ERMP1: variants seen among roughly 807,000 people sequenced by gnomAD.
The protein encoded by ERMP1 is endoplasmic reticulum metallopeptidase 1.
Under a neutral mutation model 92.0 loss-of-function variants are expected in ERMP1, and 86 were observed. That is an observed-to-expected ratio of 0.93 (90% CI 0.79 to 1.12). The LOEUF (loss-of-function observed/expected upper bound fraction) is 1.12. ERMP1 is among the 50% of genes most tolerant of loss of function. ERMP1 has a pLI of 0.00. For missense variants in ERMP1, 1,342 were observed against 1,116.3 expected (o/e 1.20, Z -2.88); for synonymous variants, 530 against 412.8 (o/e 1.28, Z -3.44).
intron 13 of ERMP1, among the ~76,000 whole-genome samples, chr9:5,789,631 C>G (rs1216066098): frequency 1.3e-5 from 2 of 152,186 alleles, no homozygotes; most frequent in African/African-American, 2.4e-5. Flanking sequence ...TGCTCTACCA[C>G]CTAGGCTGGA....
At chr9:5,844,448 T>C (rs1176583746) in intron 6 of ERMP1, among the ~76,000 whole-genome samples, 1 of 152,164 alleles carries the variant, frequency 6.6e-6, no homozygotes, top group Non-Finnish European at 1.5e-5. Context: ...CTAATTTTTG[T>C]ATTTTTAGTA....
intron 13 of ERMP1, among the ~76,000 whole-genome samples, chr9:5,788,000 A>G (rs1056968964): frequency 3.3e-5 from 5 of 152,250 alleles, no homozygotes; most frequent in African/African-American, 1.2e-4. Context: ...AGAGTTGATC[A>G]TGTAACACCT....
At chr9:5,852,397 G>T (rs1830320698) in intron 6 of ERMP1, among the ~76,000 whole-genome samples, 1 of 151,728 alleles carries the variant, frequency 6.6e-6, no homozygotes, top group African/African-American at 2.4e-5. Flanking sequence ...CTCATAGCTG[G>T]GACTACAGGC....
chr9:5,833,390 GA>G (rs1563775734), upstream of ERMP1, among the ~76,000 whole-genome samples: 1 of 152,192 alleles, frequency 6.6e-6, no homozygotes, highest in Non-Finnish European at 1.5e-5. Flanking sequence ...TCAGGCAGAT[GA>G]AAAAAGCAAT....
intron 2 of ERMP1, among the ~76,000 whole-genome samples, chr9:5,830,380 G>C (rs1365949676): frequency 6.6e-6 from 1 of 152,094 alleles, no homozygotes; most frequent in Non-Finnish European, 1.5e-5. Flanking sequence ...ACACCCAGCT[G>C]AGTAAAACAC....
rs925608780 is a variant in ERMP1 at position 5,810,064 on chromosome 9, T to C, written c.1495A>G (p.Thr499Ala). 1.4e-5 allele frequency: 22 copies of C among 1,613,746 alleles called. No individual in the cohort carries two copies. Among genetic ancestry groups the C allele is most frequent in the South Asian group, 7.7e-5 (7 of 91,074 alleles). The change falls in exon 8 of 15, where the codon ACT becomes GCT. Residue 499 changes from threonine to alanine, a missense_variant. Transcript: ENST00000339450. ...YVSVCLYGTA[T>A]VAKIILIHTL... The stretch of plus-strand genomic sequence containing the variant: ...TGTATAAGTATTATTTTGGCTACAG[T>C]TGCAGTTCCATACAGACAAACGGAG...
intron 5 of ERMP1, among the ~76,000 whole-genome samples, chr9:5,862,460 G>C (rs985895963): frequency 6.6e-6 from 1 of 152,086 alleles, no homozygotes; most frequent in Non-Finnish European, 1.5e-5. Flanking sequence ...AGCCTCCCAA[G>C]TAGCTAGGAC....
chr9:5,788,956 A>G (rs1045513032), intron 13 of ERMP1, among the ~76,000 whole-genome samples: 4 of 152,192 alleles, frequency 2.6e-5, no homozygotes, highest in African/African-American at 4.8e-5. Context: ...ACAGTCATAA[A>G]GACAGGAGAA....
chr9:5,837,640 A>G (rs1830110132), upstream of ERMP1, among the ~76,000 whole-genome samples: 1 of 152,226 alleles, frequency 6.6e-6, no homozygotes, highest in Non-Finnish European at 1.5e-5. Flanking sequence ...AATATGTGTT[A>G]TATACATTAT....
chr9:5,851,424 T>C (rs1830305976), intron 6 of ERMP1, among the ~76,000 whole-genome samples: 1 of 152,204 alleles, frequency 6.6e-6, no homozygotes, highest in Non-Finnish European at 1.5e-5. Context: ...ACATTTCTCT[T>C]TCTCTTGGGT....
intron 5 of ERMP1, among the ~76,000 whole-genome samples, chr9:5,865,137 C>A (rs1586854061): frequency 2.0e-5 from 1 of 50,062 alleles, no homozygotes; most frequent in African/African-American, 5.2e-5. Flanking sequence ...GGAAAATGTT[C>A]CTTTATATAA....
rs1428074166 is a variant in ERMP1 at position 5,810,206 on chromosome 9, CAAGAAGT to C, written c.1346_1352del (p.Asp449GlyfsTer8). On this transcript the variant is annotated frameshift_variant, in exon 8 of 15. Transcript: ENST00000339450. LOFTEE classifies it high-confidence loss of function. ...TGATCAAAGTGATGCCAAGTCCACA[CAAGAAGT>C]CCTTCTTGTAGTTACCAGCTAATGA... The C allele has an allele frequency of 6.2e-7, 1 of 1,613,788 alleles. No homozygotes were observed. Among genetic ancestry groups the C allele is most frequent in the Non-Finnish European group, 8.5e-7 (1 of 1,179,962 alleles).
At chr9:5,799,141 T>C (rs1828569267) in intron 11 of ERMP1, 133 bp from the exon 12 acceptor site, 2 of 622,774 alleles carry the variant, frequency 3.2e-6, no homozygotes, top group South Asian at 4.1e-5. Flanking sequence ...ACACTGAGAG[T>C]TTCTAAGGTA....
intron 9 of ERMP1, 100 bp from the exon 10 acceptor site, chr9:5,805,317 G>C (rs904301086): frequency 1.1e-6 from 1 of 881,810 alleles, no homozygotes; most frequent in Non-Finnish European, 1.7e-6. Context: ...CAGAAATTAG[G>C]TTAGATGTGA....
intron 13 of ERMP1, among the ~76,000 whole-genome samples, chr9:5,795,117 T>C (rs1010175578): frequency 7.9e-5 from 12 of 152,150 alleles, no homozygotes; most frequent in African/African-American, 2.9e-4. Context: ...ATGTCATCTA[T>C]TACATCAAAA....
intron 10 of ERMP1, 70 bp from the exon 11 acceptor site, chr9:5,801,398 A>C (rs1828667281): frequency 2.0e-6 from 3 of 1,501,362 alleles, no homozygotes; most frequent in African/African-American, 2.8e-5. Flanking sequence ...TTTTTAACTA[A>C]CTTTATTTTT....
intron 6 of ERMP1, among the ~76,000 whole-genome samples, chr9:5,849,952 A>C (rs138097775): frequency 4.6e-5 from 7 of 152,344 alleles, no homozygotes; most frequent in African/African-American, 1.7e-4. Flanking sequence ...ATGAACACAG[A>C]ATCATATCCA....
At chr9:5,853,854 G>A (rs1830339494) in intron 6 of ERMP1, among the ~76,000 whole-genome samples, 1 of 150,814 alleles carries the variant, frequency 6.6e-6, no homozygotes, top group Admixed American at 6.7e-5. Context: ...CTTGCTTCTG[G>A]TCAGAGACAC....
chr9:5,787,195 A>C lies in ERMP1; in HGVS notation c.2664T>G (p.Asp888Glu). 1 of 1,614,116 alleles carries C rather than the reference A, an allele frequency of 6.2e-7. No homozygotes were observed. Among genetic ancestry groups the C allele is most frequent in the South Asian group, 1.1e-5 (1 of 91,074 alleles). The change falls in exon 15 of 15, where the codon GAT becomes GAG. Residue 888 changes from aspartate to glutamate, a missense_variant. Transcript: ENST00000339450. ...ACACCCAGGCAGAGGGAAATGTCCA[A>C]TCTGGGAACTTTTCCTTCAGAGCAT... is the stretch of plus-strand genomic sequence containing the variant. Reference protein sequence around the residue: ...QLDALKEKFPDWTFPSAWVCT... With the variant: ...QLDALKEKFPEWTFPSAWVCT...
Sources: gnomAD v4.1 joint callset for allele counts (sites outside exome capture counted in the v4.1 genomes callset) on GRCh38, gnomAD v4.1.1 for gene constraint, MANE v1.5 for transcripts, NCBI Gene and HGNC (gene_info 2026-07-23, HGNC 2026-07-21) for gene names.